Variants in KLF12 observed in about 807,000 individuals in gnomAD.
KLF12 encodes Krueppel-like factor 12.
In KLF12, 9 loss-of-function variants were observed where a neutral mutation model predicts 37.8. That is an observed-to-expected ratio of 0.24 (90% CI 0.14 to 0.42). KLF12 has a LOEUF of 0.42. KLF12 is among the 10% of genes least tolerant of loss of function. The pLI is 1.00. For synonymous variants in KLF12, 208 were observed against 202.1 expected (o/e 1.03, Z -0.25); for missense variants, 411 against 516.0 (o/e 0.80, Z 1.97).
At chr13:74,192,258 A>G in the KLF12 span, among the ~76,000 whole-genome samples, 1 of 152,190 alleles carries the variant, frequency 6.6e-6, no homozygotes, top group Admixed American at 6.5e-5. Flanking sequence ...AAAAAATACT[A>G]TCTCTAACTA....
the KLF12 span, among the ~76,000 whole-genome samples, chr13:74,161,232 G>C: frequency 6.6e-6 from 1 of 152,004 alleles, no homozygotes; most frequent in East Asian, 1.9e-4. Context: ...ACCTGTAATG[G>C]GTTTTATAGT....
chr13:73,889,923 G>A (rs1887421533), intron 3 of KLF12, among the ~76,000 whole-genome samples: 1 of 152,032 alleles, frequency 6.6e-6, no homozygotes, highest in African/African-American at 2.4e-5. Context: ...AATAAAAAAA[G>A]AACCTTAAAG....
chr13:73,844,487 C>T (rs1013401094), intron 4 of KLF12, among the ~76,000 whole-genome samples: 5 of 152,132 alleles, frequency 3.3e-5, no homozygotes, highest in Non-Finnish European at 7.3e-5. Context: ...AAGTAAGCAA[C>T]GAGTGTCTGC....
intron 4 of KLF12, among the ~76,000 whole-genome samples, chr13:73,831,741 A>C (rs1884174442): frequency 6.6e-6 from 1 of 152,194 alleles, no homozygotes; most frequent in Non-Finnish European, 1.5e-5. Flanking sequence ...TAATTTGGGA[A>C]GGGAATTGGC....
At chr13:74,134,548 C>G (rs1263187399), upstream of KLF12, among the ~76,000 whole-genome samples, 1 of 151,880 alleles carries the variant, frequency 6.6e-6, no homozygotes, top group African/African-American at 2.4e-5. Flanking sequence ...CCGCCCCACC[C>G]CTGCCCCCGC....
At chr13:74,290,993 A>T in the KLF12 span, among the ~76,000 whole-genome samples, 1 of 152,224 alleles carries the variant, frequency 6.6e-6, no homozygotes, top group African/African-American at 2.4e-5. Flanking sequence ...GGCCTAACTG[A>T]AAACAAACTT....
chr13:74,132,470 A>G (rs1454297371), intron 1 of KLF12, among the ~76,000 whole-genome samples: 3 of 152,232 alleles, frequency 2.0e-5, no homozygotes, highest in African/African-American at 7.2e-5. Flanking sequence ...GTAAAATAAA[A>G]TATCAGAGTG....
At chr13:73,859,508 G>A (rs976452155) in intron 3 of KLF12, among the ~76,000 whole-genome samples, 5 of 152,162 alleles carry the variant, frequency 3.3e-5, no homozygotes, top group East Asian at 1.9e-4. Flanking sequence ...CAATTAGTAC[G>A]TGGAAATACC....
At chr13:73,713,686 T>C (rs942587198) in intron 7 of KLF12, among the ~76,000 whole-genome samples, 20 of 152,262 alleles carry the variant, frequency 1.3e-4, no homozygotes, top group Admixed American at 1.3e-3. Flanking sequence ...ATGTCTCCTC[T>C]GCTCTCATGG....
chr13:73,908,973 TACAGTTACGTAATGC>T (rs1888445871), intron 3 of KLF12, among the ~76,000 whole-genome samples: 1 of 152,096 alleles, frequency 6.6e-6, no homozygotes, highest in African/African-American at 2.4e-5. Context: ...CAACACGAGG[TACAGTTACGTAATGC>T]ACAGTTGGCA....
At chr13:73,744,250 G>A (rs1227930426) in intron 6 of KLF12, among the ~76,000 whole-genome samples, 1 of 152,176 alleles carries the variant, frequency 6.6e-6, no homozygotes, top group African/African-American at 2.4e-5. Flanking sequence ...AGATGTGCCA[G>A]GGCTGTTGCA....
intron 1 of KLF12, among the ~76,000 whole-genome samples, chr13:74,089,568 T>C (rs1442933591): frequency 1.3e-5 from 2 of 151,890 alleles, no homozygotes; most frequent in African/African-American, 4.8e-5. Flanking sequence ...AAACCAAACC[T>C]AGCAACATGA....
At chr13:73,730,424 T>C (rs907792881) in intron 6 of KLF12, among the ~76,000 whole-genome samples, 6 of 152,138 alleles carry the variant, frequency 3.9e-5, no homozygotes, top group Non-Finnish European at 5.9e-5. Flanking sequence ...GCTCAGCTCA[T>C]AGTTTACCTC....
rs556289110 is a variant in KLF12 at position 74,111,813 on chromosome 13, CTTTAT to C, written c.-32+21921_-32+21925del. 2.5e-3 allele frequency among the ~76,000 whole-genome samples: 387 copies of C among 152,202 alleles called. 1 individual carries two copies. Among genetic ancestry groups the C allele is most frequent in the African/African-American group, 9.0e-3 (372 of 41,536 alleles). Reference sequence around the variant, plus strand: ...GAAATCCTCAAGATGATGTTTTCCTCTTTATTTTTAGACCTGTGAAAGATATGTTT... The same window carrying C: ...GAAATCCTCAAGATGATGTTTTCCTCTTTTAGACCTGTGAAAGATATGTTT... On this transcript the variant is annotated intron_variant, in intron 1 of 7. Transcript: ENST00000377669.
intron 2 of KLF12, among the ~76,000 whole-genome samples, chr13:73,945,716 G>T (rs1259976932): frequency 1.3e-5 from 2 of 151,964 alleles, no homozygotes; most frequent in African/African-American, 2.4e-5. Context: ...AGTCTATAAG[G>T]TGATAAAAAG....
chr13:73,967,226 AATG>A (rs1891193960), intron 2 of KLF12, among the ~76,000 whole-genome samples: 1 of 152,180 alleles, frequency 6.6e-6, no homozygotes, highest in African/African-American at 2.4e-5. Context: ...TTTAACCAAG[AATG>A]ATCCATTAAA....
chr13:74,124,975 T>C (rs544094778), intron 1 of KLF12, among the ~76,000 whole-genome samples: 1 of 151,876 alleles, frequency 6.6e-6, no homozygotes, highest in East Asian at 1.9e-4. Context: ...GTGAAACCCG[T>C]CTCTACTAAA....
chr13:73,811,076 A>G (rs1385553003), intron 5 of KLF12, among the ~76,000 whole-genome samples: 2 of 130,140 alleles, frequency 1.5e-5, no homozygotes, highest in African/African-American at 3.0e-5. Flanking sequence ...ACCTCTCCCT[A>G]CTGGGTTCAA....
chr13:74,080,032 T>C (rs111347776), intron 1 of KLF12, among the ~76,000 whole-genome samples: 282 of 152,350 alleles, frequency 1.9e-3, no homozygotes, highest in African/African-American at 4.4e-3. Flanking sequence ...TGTACTATTA[T>C]TCAGCCTTAT....
Sources: allele counts gnomAD v4.1 joint callset (sites outside exome capture counted in the v4.1 genomes callset), GRCh38; gene constraint gnomAD v4.1.1; transcripts MANE v1.5; gene names NCBI Gene and HGNC (gene_info 2026-07-23, HGNC 2026-07-21).